The following ADRA1B variants were observed in gnomAD, a reference collection of about 807,000 sequenced individuals.
ADRA1B encodes alpha-1B adrenergic receptor.
Under a neutral mutation model 17.9 loss-of-function variants are expected in ADRA1B, and 17 were observed. The observed-to-expected ratio is 0.95, with a 90% CI of 0.65 to 1.42. ADRA1B has a LOEUF of 1.42. Ranked by LOEUF, ADRA1B falls within the 40% of genes most tolerant of loss-of-function variation. The pLI, the probability that ADRA1B is intolerant of heterozygous loss-of-function variation, is 0.00. For synonymous variants in ADRA1B, 366 were observed against 327.6 expected, an observed-to-expected ratio of 1.12 and a Z score of -1.27; for missense variants, 681 against 722.1, an observed-to-expected ratio of 0.94 and a Z score of 0.65.
At chr5:159,939,329 G>GCA (rs1561600763) in intron 1 of ADRA1B, among the ~76,000 whole-genome samples, 19 of 123,724 alleles carry the variant, frequency 1.5e-4, no homozygotes, top group African/African-American at 4.9e-4. Flanking sequence ...GTGTGCGCGC[G>GCA]CGCGCGCACA....
At chr5:159,988,072 C>G in the ADRA1B span, among the ~76,000 whole-genome samples, 1 of 152,022 alleles carries the variant, frequency 6.6e-6, no homozygotes, top group Admixed American at 6.6e-5. Flanking sequence ...TCCTGGTGGG[C>G]CTGATATCAC....
Position 159,952,934 on chromosome 5 carries a change from A to T in ADRA1B, c.950-18945A>T, listed in dbSNP as rs900910783. 2.0e-5 allele frequency among the ~76,000 whole-genome samples: 3 copies of T among 152,360 alleles called. No homozygotes were observed. The East Asian group carries it at 5.8e-4, about 29-fold the overall frequency. ...CTCAAGAGCTGAATAACCTTCTTAC[A>T]TTATAGGCTTTCTGAAACACACTTG... On this transcript the variant is annotated intron_variant, in intron 1 of 1. Coordinates refer to ENST00000306675, the MANE Select transcript of ADRA1B (RefSeq NM_000679.4).
intron 1 of ADRA1B, among the ~76,000 whole-genome samples, chr5:159,927,443 A>G (rs376880111): frequency 1.3e-5 from 2 of 150,598 alleles, no homozygotes; most frequent in African/African-American, 2.4e-5. Context: ...AAAAAATGTA[A>G]GGAAGGCCAA....
intron 1 of ADRA1B, among the ~76,000 whole-genome samples, chr5:159,871,959 C>G (rs949758492): frequency 1.8e-4 from 28 of 152,122 alleles, no homozygotes; most frequent in African/African-American, 6.0e-4. Context: ...TGGAGCCCTT[C>G]CCTACTACTT....
chr5:159,933,918 C>T (rs1353740724), intron 1 of ADRA1B, among the ~76,000 whole-genome samples: 1 of 152,260 alleles, frequency 6.6e-6, no homozygotes, highest in Admixed American at 6.5e-5. Flanking sequence ...CATCCAAGCT[C>T]ACCCCTACCC....
intron 1 of ADRA1B, among the ~76,000 whole-genome samples, chr5:159,946,942 C>A (rs537257582): frequency 2.3e-4 from 35 of 152,296 alleles, no homozygotes; most frequent in Admixed American, 1.6e-3. Flanking sequence ...ATTGACTGAG[C>A]ACTTATGATG....
rs1755884070 is a variant in ADRA1B at position 159,972,141 on chromosome 5, G to A, written c.1212G>A (p.Lys404=). Residue 404 remains lysine (K), a synonymous_variant, in exon 2 of 2, where the codon AAG becomes AAA. Transcript: ENST00000306675. ...GGSLERSQSR[K]DSLDDSGSCL... ...CGCTGGAGCGCTCGCAGTCGCGCAA[G>A]GACTCGCTGGACGACAGCGGCAGCT... 6 of 1,350,588 alleles carry A rather than the reference G, an allele frequency of 4.4e-6. No homozygotes were observed. The highest frequency in any genetic ancestry group is 5.8e-6 in the Non-Finnish European group (6 of 1,041,088). The allele number at this position is 1,350,588 out of a possible 1,614,324, so 83.7% of individuals were successfully genotyped here. A position where few individuals can be genotyped will look rare whatever the true frequency, so the allele number is the denominator to read the frequency against.
intron 1 of ADRA1B, among the ~76,000 whole-genome samples, chr5:159,963,308 A>C (rs902354788): frequency 4.7e-5 from 7 of 149,742 alleles, no homozygotes; most frequent in East Asian, 2.0e-4. Context: ...ATATATATAT[A>C]TCCACACACA....
intron 1 of ADRA1B, among the ~76,000 whole-genome samples, chr5:159,928,514 A>G (rs899608962): frequency 2.0e-5 from 3 of 152,124 alleles, no homozygotes; most frequent in Non-Finnish European, 4.4e-5. Flanking sequence ...AGAATGTTCT[A>G]GCACATGTAA....
At chr5:159,969,922 A>C (rs1755838227) in intron 1 of ADRA1B, among the ~76,000 whole-genome samples, 1 of 151,008 alleles carries the variant, frequency 6.6e-6, no homozygotes, top group Non-Finnish European at 1.5e-5. Context: ...GAGTATTATT[A>C]ATTGCATTTT....
rs550172316 is a variant in ADRA1B at position 159,927,607 on chromosome 5, A to T, written c.949+9753A>T. ...ATCACTGTTTTCTAATAGGGTGACC[A>T]TATGTCCCATTTCACTGAGATGGTC... is the stretch of plus-strand genomic sequence containing the variant. On this transcript the variant is annotated intron_variant, in intron 1 of 1. Transcript: ENST00000306675. 3.3e-5 allele frequency among the ~76,000 whole-genome samples: 5 copies of T among 152,290 alleles called. No individual in the cohort carries two copies. The East Asian group carries it at 9.6e-4, about 29-fold the overall frequency.
intron 1 of ADRA1B, among the ~76,000 whole-genome samples, chr5:159,892,580 T>C (rs1753997074): frequency 6.6e-6 from 1 of 152,196 alleles, no homozygotes; most frequent in African/African-American, 2.4e-5. Context: ...TGAGAACATG[T>C]GGTATTTGGC....
chr5:159,945,983 C>A (rs547720784), intron 1 of ADRA1B, among the ~76,000 whole-genome samples: 2 of 152,152 alleles, frequency 1.3e-5, no homozygotes, highest in South Asian at 2.1e-4. Flanking sequence ...TTCTGACCTC[C>A]TGATCCGCCC....
intron 1 of ADRA1B, among the ~76,000 whole-genome samples, chr5:159,961,308 G>A (rs1337806473): frequency 6.6e-6 from 1 of 152,152 alleles, no homozygotes; most frequent in East Asian, 1.9e-4. Context: ...TTGTAAATGT[G>A]GTACCTTAAT....
intron 1 of ADRA1B, among the ~76,000 whole-genome samples, chr5:159,956,669 C>T (rs1187985323): frequency 1.3e-5 from 2 of 152,110 alleles, no homozygotes; most frequent in Non-Finnish European, 2.9e-5. Context: ...AGAATACTTA[C>T]GTAGGCTAAA....
intron 1 of ADRA1B, among the ~76,000 whole-genome samples, chr5:159,952,938 T>C (rs1755473561): frequency 6.6e-6 from 1 of 152,216 alleles, no homozygotes; most frequent in African/African-American, 2.4e-5. Flanking sequence ...TCTTACATTA[T>C]AGGCTTTCTG....
At chr5:159,982,966 A>C in the ADRA1B span, among the ~76,000 whole-genome samples, 1 of 152,222 alleles carries the variant, frequency 6.6e-6, no homozygotes, top group Non-Finnish European at 1.5e-5. Context: ...ACGTGCGTGC[A>C]CACACATGCA....
intron 1 of ADRA1B, among the ~76,000 whole-genome samples, chr5:159,959,544 G>A (rs1226573263): frequency 1.3e-5 from 2 of 152,198 alleles, no homozygotes; most frequent in African/African-American, 4.8e-5. Context: ...GTAGAGAGAA[G>A]AGCAGAGACT....
intron 1 of ADRA1B, among the ~76,000 whole-genome samples, chr5:159,956,417 T>A (rs1211841880): frequency 6.6e-6 from 1 of 152,054 alleles, no homozygotes; most frequent in Non-Finnish European, 1.5e-5. Context: ...CACACAGAGG[T>A]TTTTTTAATA....
Sources: gnomAD v4.1 joint callset for allele counts (sites outside exome capture counted in the v4.1 genomes callset) on GRCh38, gnomAD v4.1.1 for gene constraint, MANE v1.5 for transcripts, NCBI Gene and HGNC (gene_info 2026-07-23, HGNC 2026-07-21) for gene names.